Variants in OR5B2 observed in about 807,000 individuals in gnomAD.
The protein encoded by OR5B2 is olfactory receptor family 5 subfamily B member 2.
For synonymous variants in OR5B2, 163 were observed against 140.8 expected, an observed-to-expected ratio of 1.16 and a Z score of -1.11; for missense variants, 411 against 367.0, an observed-to-expected ratio of 1.12 and a Z score of -0.98.
At position 58,423,250 on chromosome 11, in the gene OR5B2, A is replaced by G. The variant is rs756536993; in HGVS notation, c.12T>C (p.Cys4=). The G allele has an allele frequency of 1.0e-5, 16 of 1,588,986 alleles. No individual in the cohort carries two copies. Among genetic ancestry groups the G allele is most frequent in the South Asian group, 9.1e-5 (8 of 88,064 alleles). Residue 4 remains cysteine (C), a synonymous_variant, in exon 3 of 3, where the codon TGT becomes TGC. Transcript: ENST00000641342. MEN[C]TEVTKFILLG... is the part of the protein sequence containing the mutation. Reference sequence around the variant, plus strand: ...GAAGAATGAACTTTGTCACTTCCGTACAATTCTCCATCAGTATTATCTGAG... The same window carrying G: ...GAAGAATGAACTTTGTCACTTCCGTGCAATTCTCCATCAGTATTATCTGAG...
rs544111300 is a variant in OR5B2 at position 58,421,588 on chromosome 11, G to T, written c.*744C>A. ...TTAGAGCAGTGAAACTACTCAATAT[G>T]ATACTATAATGATAAATAGATGTCA... On this transcript the variant is annotated 3_prime_UTR_variant, in exon 3 of 3. Transcript: ENST00000641342. 2 of 152,168 alleles carry T rather than the reference G, an allele frequency of 1.3e-5. No homozygotes were observed. The highest frequency in any genetic ancestry group is 3.9e-4 in the East Asian group (2 of 5,166). 9.4% of individuals were successfully genotyped at this position (152,168 alleles called of 1,614,324 possible).
Position 58,422,664 on chromosome 11 carries a change from T to C in OR5B2, c.598A>G (p.Met200Val). Residue 200 changes from methionine (M) to valine (V), a missense_variant, in exon 3 of 3, where the codon ATG becomes GTG. By Grantham distance (21) the Met-to-Val change is conservative. Transcript: ENST00000641342. ...KHTSEVILVF[M>V]SSFNIFFVLL... ...ACAAAAAAGATATTAAAGCTTGACA[T>C]AAAAACCAGAATCACCTCACTAGTG... The C allele has an allele frequency of 6.2e-7, 1 of 1,613,462 alleles. No individual in the cohort carries two copies. The highest frequency in any genetic ancestry group is 2.2e-5 in the East Asian group (1 of 44,842).
chr11:58,423,172 G>C lies in OR5B2; in HGVS notation c.90C>G (p.Thr30=). The change falls in exon 3 of 3, where the codon ACC becomes ACG. Residue 30 remains threonine, a synonymous_variant. Transcript: ENST00000641342. ...CACACAGAGTGAGGAGGTAGATGAA[G>C]GTGAACAAGATAAAGAGGGGGATCT... is the stretch of plus-strand genomic sequence containing the variant. ...ELQIPLFILF[T]FIYLLTLCGN... is the part of the protein sequence containing the mutation. 1 of 1,613,562 alleles carries C rather than the reference G, an allele frequency of 6.2e-7. No individual in the cohort carries two copies. The highest frequency in any genetic ancestry group is 8.5e-7 in the Non-Finnish European group (1 of 1,179,676).
In OR5B2 at chr11:58,422,495, A is replaced by T. The variant is rs757719367; in HGVS notation, c.767T>A (p.Ile256Asn). 2.5e-6 allele frequency: 4 copies of T among 1,613,770 alleles called. No homozygotes were observed. The South Asian group carries it at 4.4e-5, about 18-fold the overall frequency. The change falls in exon 3 of 3, where the codon ATC (isoleucine) becomes AAC (asparagine). Residue 256 changes from isoleucine (I) to asparagine (N), a missense_variant. By Grantham distance (149) the Ile-to-Asn change is moderately radical (BLOSUM62 -3). Transcript: ENST00000641342. ...VSVFYGTVIF[I>N]YLQPSSSHSM... ...GTGGCTGGAGCTGGGCTGCAAGTAG[A>T]TGAAGATTACTGTCCCATAGAAGAC...
rs759864188 is a variant in OR5B2 at position 58,422,820 on chromosome 11, C to A, written c.442G>T (p.Val148Phe). 6.2e-7 allele frequency: 1 copy of A among 1,613,710 alleles called. No individual in the cohort carries two copies. ...VGACLALGSY[V>F]CGFLNASFHI... ...AATGAGGCATTTAGGAAGCCACAGA[C>A]ATATGAGCCTAGGGCCAGACAGGCA... is the stretch of plus-strand genomic sequence containing the variant. Residue 148 changes from valine (V) to phenylalanine (F), a missense_variant, in exon 3 of 3, where the codon GTC becomes TTC. Physicochemically the swap from Val to Phe is conservative, Grantham distance 50. Coordinates refer to ENST00000641342, the MANE Select transcript of OR5B2 (RefSeq NM_001005566.3).
Position 58,422,297 on chromosome 11 carries a change from A to T in OR5B2, c.*35T>A. 1 of 1,373,456 alleles carries T rather than the reference A, an allele frequency of 7.3e-7. No individual in the cohort carries two copies. Among genetic ancestry groups the T allele is most frequent in the Non-Finnish European group, 1.0e-6 (1 of 977,234 alleles). The allele number at this position is 1,373,456 out of a possible 1,614,324, so 85.1% of individuals were successfully genotyped here. On this transcript the variant is annotated 3_prime_UTR_variant, in exon 3 of 3. Coordinates refer to ENST00000641342, the MANE Select transcript of OR5B2 (RefSeq NM_001005566.3). ...GAAAGTCTGAGATGAGGGAAACAAC[A>T]TTTTTGTGTATACAACAATGTTAAA...
chr11:58,422,836 C>A lies in OR5B2; in HGVS notation c.426G>T (p.Leu142=). The change falls in exon 3 of 3, where the codon CTG becomes CTT. Residue 142 remains leucine, a synonymous_variant. Coordinates refer to ENST00000641342, the MANE Select transcript of OR5B2 (RefSeq NM_001005566.3). ...TTMTASVGAC[L]ALGSYVCGFL... Reference sequence around the variant, plus strand: ...AGCCACAGACATATGAGCCTAGGGCCAGACAGGCACCTACACTGGCCGTCA... The same window carrying A: ...AGCCACAGACATATGAGCCTAGGGCAAGACAGGCACCTACACTGGCCGTCA... The A allele has an allele frequency of 6.2e-7, 1 of 1,613,656 alleles. No individual in the cohort carries two copies. Among genetic ancestry groups the A allele is most frequent in the Non-Finnish European group, 8.5e-7 (1 of 1,179,806 alleles).
chr11:58,422,876 T>C lies in OR5B2; in HGVS notation c.386A>G (p.His129Arg). The change falls in exon 3 of 3, where the codon CAC (histidine) becomes CGC (arginine). Residue 129 changes from histidine (H) to arginine (R), a missense_variant. Physicochemically the swap from His to Arg is conservative, Grantham distance 29. Coordinates refer to ENST00000641342, the MANE Select transcript of OR5B2 (RefSeq NM_001005566.3). ...ACTGGCCGTCATGGTGGTGGTGTAG[T>C]GTAGGGGTTTGCACACTGCTGCATA... ...DRYAAVCKPL[H>R]YTTTMTASVG... 1 of 1,613,638 alleles carries C rather than the reference T, an allele frequency of 6.2e-7. No individual in the cohort carries two copies. Among genetic ancestry groups the C allele is most frequent in the Non-Finnish European group, 8.5e-7 (1 of 1,179,826 alleles).
Position 58,423,845 on chromosome 11 carries a change from A to T in OR5B2, c.-28-556T>A, listed in dbSNP as rs190906494. Among the ~76,000 whole-genome samples, 6 of 152,272 alleles carry T rather than the reference A, an allele frequency of 3.9e-5. No individual in the cohort carries two copies. The East Asian group carries it at 1.2e-3, about 29-fold the overall frequency. ...ATGGTCTAAATTGAATCTAAATCAG[A>T]TTGAATTTGAAGCAATTTACAATTA... On this transcript the variant is annotated intron_variant, in intron 2 of 2. Coordinates refer to ENST00000641342, the MANE Select transcript of OR5B2 (RefSeq NM_001005566.3).
At chr11:58,425,309 C>T (rs1015614930) in intron 2 of OR5B2, among the ~76,000 whole-genome samples, 2 of 151,968 alleles carry the variant, frequency 1.3e-5, no homozygotes, top group Non-Finnish European at 2.9e-5. Context: ...TCACTGAACA[C>T]CCTACCAATG....
Position 58,423,119 on chromosome 11 carries a change from A to G in OR5B2, c.143T>C (p.Leu48Pro). Reference sequence around the variant, plus strand: ...GGGGGTGTGGAGACAAGAGTCCATCAGGATCAGCAACATCATCCCCAGGTT... The same window carrying G: ...GGGGGTGTGGAGACAAGAGTCCATCGGGATCAGCAACATCATCCCCAGGTT... ...CGNLGMMLLI[L>P]MDSCLHTPMY... The change falls in exon 3 of 3, where the codon CTG becomes CCG. Residue 48 changes from leucine (L) to proline (P), a missense_variant. By Grantham distance (98) the Leu-to-Pro change is moderately conservative. Coordinates refer to ENST00000641342, the MANE Select transcript of OR5B2 (RefSeq NM_001005566.3). The G allele has an allele frequency of 1.9e-6, 3 of 1,613,776 alleles. No individual in the cohort carries two copies. Among genetic ancestry groups the G allele is most frequent in the Non-Finnish European group, 2.5e-6 (3 of 1,179,808 alleles).
chr11:58,425,584 A>G (rs1263368360), intron 2 of OR5B2, among the ~76,000 whole-genome samples: 1 of 152,094 alleles, frequency 6.6e-6, no homozygotes, highest in Admixed American at 6.6e-5. Context: ...GAAAAAAAAT[A>G]TGTCTCAGGT....
At position 58,422,341 on chromosome 11, in the gene OR5B2, T is replaced by A. The variant is rs76369042; in HGVS notation, c.921A>T (p.Lys307Asn). Residue 307 changes from lysine (K) to asparagine (N), a missense_variant, in exon 3 of 3, where the codon AAA (lysine) becomes AAT (asparagine). Physicochemically the swap from Lys to Asn is moderately conservative, Grantham distance 94. Coordinates refer to ENST00000641342, the MANE Select transcript of OR5B2 (RefSeq NM_001005566.3). ...NAFKKVLRRQKFL is the reference protein window; with the variant it reads ...NAFKKVLRRQNFL The stretch of plus-strand genomic sequence containing the variant: ...TGTTAAAATTCCAAACTTATAGAAA[T>A]TTTTGCCTTCTCAACACTTTCTTGA... The A allele has an allele frequency of 2.1e-3, 3,373 of 1,599,128 alleles. 62 individuals are homozygous for A. The African/African-American group carries it at 0.04, about 19-fold the overall frequency.
At chr11:58,427,278 T>C (rs1434130201) in intron 1 of OR5B2, among the ~76,000 whole-genome samples, 1 of 152,164 alleles carries the variant, frequency 6.6e-6, no homozygotes, top group Non-Finnish European at 1.5e-5. Context: ...AACACCAGTG[T>C]ATTTACTTTA....
rs542875959 is a variant in OR5B2, at chr11:58,423,013, G to A, written c.249C>T (p.Phe83=). Reference sequence around the variant, plus strand: ...AGGAGATGACCTTGTCTCCTCTAAGGAACCCAGCCATGACCTTGGGAGTGA... The same window carrying A: ...AGGAGATGACCTTGTCTCCTCTAAGAAACCCAGCCATGACCTTGGGAGTGA... ...SAVTPKVMAG[F]LRGDKVISYN... The change falls in exon 3 of 3, where the codon TTC becomes TTT. Residue 83 remains phenylalanine (F), a synonymous_variant. Transcript: ENST00000641342. 5.5e-5 allele frequency: 89 copies of A among 1,613,762 alleles called. 1 individual carries two copies. The South Asian group carries it at 9.6e-4, about 17-fold the overall frequency.
chr11:58,423,704 C>T (rs1349126832), intron 2 of OR5B2, among the ~76,000 whole-genome samples: 1 of 151,984 alleles, frequency 6.6e-6, no homozygotes, highest in Admixed American at 6.6e-5. Flanking sequence ...GAGGTTGATT[C>T]GTTATTACAT....
chr11:58,423,072 G>A lies in OR5B2; in HGVS notation c.190C>T (p.Leu64=), dbSNP rs2119937136. Residue 64 remains leucine (L), a synonymous_variant, in exon 3 of 3, where the codon CTG becomes TTG. Coordinates refer to ENST00000641342, the MANE Select transcript of OR5B2 (RefSeq NM_001005566.3). ...GAGTATCCAAAGTCCACCAGAGACA[G>A]GTTACTGAGGAAAAAGTACATGGGG... is the stretch of plus-strand genomic sequence containing the variant. ...HTPMYFFLSN[L]SLVDFGYSSA... 1.9e-6 allele frequency: 3 copies of A among 1,613,734 alleles called. No homozygotes were observed. The highest frequency in any genetic ancestry group is 1.7e-6 in the Non-Finnish European group (2 of 1,179,776).
In OR5B2 at chr11:58,422,228, A is replaced by G. The variant is rs1484863358; in HGVS notation, c.*104T>C. On this transcript the variant is annotated 3_prime_UTR_variant, in exon 3 of 3. Transcript: ENST00000641342. ...AAGAGGTAAGAATATCACCTCATGA[A>G]CTTAAATGTATTGTGGGGTTTCAAA... 2 of 653,340 alleles carry G rather than the reference A, an allele frequency of 3.1e-6. No individual in the cohort carries two copies. Among genetic ancestry groups the G allele is most frequent in the Admixed American group, 5.5e-5 (2 of 36,112 alleles). The allele number at this position is 653,340 out of a possible 1,614,324, so 40.5% of individuals were successfully genotyped here. A position where few individuals can be genotyped will look rare whatever the true frequency, so the allele number is the denominator to read the frequency against.
intron 2 of OR5B2, 117 bp from the exon 3 acceptor site, chr11:58,423,406 G>A: frequency 1.9e-6 from 1 of 520,498 alleles, no homozygotes; most frequent in East Asian, 3.0e-5. Flanking sequence ...AAATTCTATA[G>A]ATCTAAAGCA....
Sources: gnomAD v4.1 joint callset for allele counts (sites outside exome capture counted in the v4.1 genomes callset) on GRCh38, gnomAD v4.1.1 for gene constraint, MANE v1.5 for transcripts, NCBI Gene and HGNC (gene_info 2026-07-23, HGNC 2026-07-21) for gene names.